The following ERCC4 variants were observed in gnomAD, a reference collection of about 807,000 sequenced individuals.
The protein encoded by ERCC4 is ERCC excision repair 4, endonuclease catalytic subunit.
In ERCC4, 65 loss-of-function variants were observed where a neutral mutation model predicts 76.9. That is an observed-to-expected ratio of 0.84 (90% confidence interval 0.69 to 1.04). The LOEUF (loss-of-function observed/expected upper bound fraction) is 1.04. ERCC4 is among the 50% of genes least tolerant of loss of function. The pLI, the probability that ERCC4 is intolerant of heterozygous loss-of-function variation, is 0.00. For synonymous variants in ERCC4, 463 were observed against 410.1 expected (o/e 1.13, Z -1.56); for missense variants, 1,214 against 1,128.2 (o/e 1.08, Z -1.09).
intron 8 of ERCC4, among the ~76,000 whole-genome samples, chr16:13,937,357 G>A (rs957614460): frequency 6.6e-5 from 10 of 152,080 alleles, no homozygotes; most frequent in South Asian, 4.1e-4. Flanking sequence ...TAAAAAAAAC[G>A]TTCATAGGCT....
In ERCC4 at chr16:13,950,047, GCCTGCTGGGTT is replaced by G. The variant is rs1188733969; in HGVS notation, c.*1702_*1712del. ...CGCAATCTCGGCTCACTGCAACCTCGCCTGCTGGGTTCAAGCAGTTCTCCCACCTCAGCCTC... is the reference window on the plus strand; with the variant it reads ...CGCAATCTCGGCTCACTGCAACCTCGCAAGCAGTTCTCCCACCTCAGCCTC... On this transcript the variant is annotated 3_prime_UTR_variant, in exon 11 of 11. Coordinates refer to ENST00000311895, the MANE Select transcript of ERCC4 (RefSeq NM_005236.3). 5.1e-6 allele frequency: 1 copy of G among 197,246 alleles called. No individual in the cohort carries two copies. Among genetic ancestry groups the G allele is most frequent in the African/African-American group, 2.3e-5 (1 of 43,200 alleles). 12.2% of individuals were successfully genotyped at this position (197,246 alleles called of 1,614,324 possible).
chr16:13,937,914 G>C, intron 9 of ERCC4, 56 bp downstream of exon 9: 1 of 1,080,520 alleles, frequency 9.3e-7, no homozygotes, highest in Non-Finnish European at 1.4e-6. Context: ...CCTCTGGATG[G>C]GGGAATATCA....
At chr16:13,925,378 A>G (rs2032053075) in intron 2 of ERCC4, among the ~76,000 whole-genome samples, 4 of 152,206 alleles carry the variant, frequency 2.6e-5, no homozygotes. Context: ...AAAACCCACC[A>G]ATTAGGTACA....
At chr16:13,939,955 G>C (rs2141612552) in intron 9 of ERCC4, among the ~76,000 whole-genome samples, 1 of 152,294 alleles carries the variant, frequency 6.6e-6, no homozygotes, top group East Asian at 1.9e-4. Flanking sequence ...TGAGTGCACA[G>C]AGCTAAAATA....
At chr16:13,930,263 A>G (rs1262840498) in intron 4 of ERCC4, among the ~76,000 whole-genome samples, 1 of 151,996 alleles carries the variant, frequency 6.6e-6, no homozygotes, top group Non-Finnish European at 1.5e-5. Flanking sequence ...TGCTTGGTCC[A>G]TTTGGATCCC....
intron 1 of ERCC4, among the ~76,000 whole-genome samples, chr16:13,921,789 T>C (rs2031981508): frequency 1.3e-5 from 2 of 152,184 alleles, no homozygotes; most frequent in South Asian, 2.1e-4. Flanking sequence ...GCATATGTTA[T>C]TGTAGTTGAG....
At chr16:13,930,645 G>T in intron 4 of ERCC4, 65 bp from the exon 5 acceptor site, 1 of 1,161,720 alleles carries the variant, frequency 8.6e-7, no homozygotes. Flanking sequence ...TTGAAAGTAT[G>T]ATTTGTATTA....
rs1334165912 is a variant in ERCC4 at position 13,951,298 on chromosome 16, G to C, written c.*2951G>C. The C allele has an allele frequency of 1.0e-5, 2 of 190,804 alleles. No individual in the cohort carries two copies. The highest frequency in any genetic ancestry group is 1.7e-4 in the East Asian group (2 of 11,974). 11.8% of individuals were successfully genotyped at this position (190,804 alleles called of 1,614,324 possible). ...TCTAGTAAATATCCAGTGTACTTAT[G>C]AACTCATGTTTGGCTCTTTTAAAAC... On this transcript the variant is annotated 3_prime_UTR_variant, in exon 11 of 11. Coordinates refer to ENST00000311895, the MANE Select transcript of ERCC4 (RefSeq NM_005236.3).
At chr16:13,937,475 T>G (rs2032322986) in intron 8 of ERCC4, among the ~76,000 whole-genome samples, 1 of 152,226 alleles carries the variant, frequency 6.6e-6, no homozygotes, top group South Asian at 2.1e-4. Flanking sequence ...TGTTTATAGT[T>G]ATGAGGAGAG....
At position 13,947,721 on chromosome 16, in the gene ERCC4, G is replaced by A. The variant is rs373906926; in HGVS notation, c.2125G>A (p.Val709Met). The A allele has an allele frequency of 6.1e-5, 98 of 1,614,078 alleles. No individual in the cohort carries two copies. Among genetic ancestry groups the A allele is most frequent in the Non-Finnish European group, 7.2e-5 (85 of 1,180,050 alleles). ...IHRRGIDIEP[V>M]TLEVGDYILT... is the part of the protein sequence containing the mutation. ...TCGTCGGGGCATTGACATTGAACCC[G>A]TGACTTTAGAGGTTGGAGATTACAT... The change falls in exon 11 of 11, where the codon GTG (valine) becomes ATG (methionine). Residue 709 changes from valine to methionine, a missense_variant. Coordinates refer to ENST00000311895, the MANE Select transcript of ERCC4 (RefSeq NM_005236.3).
chr16:13,935,037 A>G, intron 7 of ERCC4, 109 bp from the exon 8 acceptor site: 1 of 857,508 alleles, frequency 1.2e-6, no homozygotes, highest in Non-Finnish European at 2.0e-6. Context: ...GTGGATCTTT[A>G]ATACCAAAGG....
At chr16:13,924,489 T>C (rs1027215961) in intron 2 of ERCC4, among the ~76,000 whole-genome samples, 38 of 152,342 alleles carry the variant, frequency 2.5e-4, no homozygotes, top group African/African-American at 9.1e-4. Context: ...TTATATTCAT[T>C]CAACAAATAT....
rs2032631201 is a variant in ERCC4 at position 13,951,629 on chromosome 16, C to G, written c.*3282C>G. The G allele has an allele frequency of 9.2e-6, 2 of 216,790 alleles. No homozygotes were observed. The highest frequency in any genetic ancestry group is 1.4e-4 in the East Asian group (2 of 14,618). The allele number at this position is 216,790 out of a possible 1,614,324, so 13.4% of individuals were successfully genotyped here. A position where few individuals can be genotyped will look rare whatever the true frequency, so the allele number is the denominator to read the frequency against. ...GACTGAAAATAGTCTTATTCATCAA[C>G]CCACTAGGATGTGAAGGGTTAAGTC... On this transcript the variant is annotated 3_prime_UTR_variant, in exon 11 of 11. Coordinates refer to ENST00000311895, the MANE Select transcript of ERCC4 (RefSeq NM_005236.3).
chr16:13,945,859 G>C (rs1044534412), intron 10 of ERCC4, among the ~76,000 whole-genome samples: 2 of 152,200 alleles, frequency 1.3e-5, no homozygotes, highest in Non-Finnish European at 1.5e-5. Flanking sequence ...TTAGAGATCA[G>C]TTCTCCACGC....
intron 9 of ERCC4, among the ~76,000 whole-genome samples, chr16:13,938,746 C>T (rs997383327): frequency 5.3e-5 from 8 of 152,180 alleles, no homozygotes; most frequent in Non-Finnish European, 8.8e-5. Flanking sequence ...AGTCAACCTG[C>T]GAGGACTGCC....
intron 1 of ERCC4, among the ~76,000 whole-genome samples, chr16:13,920,990 G>A (rs1292278866): frequency 6.6e-6 from 1 of 152,194 alleles, no homozygotes; most frequent in Non-Finnish European, 1.5e-5. Flanking sequence ...GGAGGTCGCT[G>A]CAGGGGAGGG....
At chr16:13,933,045 CAAAA>C (rs11337706) in intron 6 of ERCC4, 1,670 of 215,254 alleles carry the variant, frequency 7.8e-3, no homozygotes, top group South Asian at 0.01. Flanking sequence ...GACTCGGTCT[CAAAA>C]AAAAAAAAAA....
At chr16:13,931,983 C>G (rs1596623838) in intron 5 of ERCC4, 174 bp from the exon 6 acceptor site, 1 of 659,300 alleles carries the variant, frequency 1.5e-6, no homozygotes, top group East Asian at 2.7e-5. Context: ...ACGGACCACA[C>G]CCAGAAAACC....
Position 13,945,265 on chromosome 16 carries a change from A to G in ERCC4, c.2017+430A>G, listed in dbSNP as rs1160925853. Among the ~76,000 whole-genome samples the G allele has an allele frequency of 3.9e-5, 6 of 152,304 alleles. No individual in the cohort carries two copies. In the East Asian group the frequency reaches 5.8e-4, roughly 15 times the overall value. ...TCTGCCTCTCCCCTTAGTTGTATAC[A>G]TAGGTGGGGTGCATACACTCCTCCT... On this transcript the variant is annotated intron_variant, in intron 10 of 10. Transcript: ENST00000311895.
Sources: gnomAD v4.1 joint callset for allele counts (sites outside exome capture counted in the v4.1 genomes callset) on GRCh38, gnomAD v4.1.1 for gene constraint, MANE v1.5 for transcripts, NCBI Gene and HGNC (gene_info 2026-07-23, HGNC 2026-07-21) for gene names.